Variants in MAPKBP1 observed in about 807,000 individuals in gnomAD.
MAPKBP1 encodes the protein mitogen-activated protein kinase-binding protein 1.
Under a neutral mutation model 170.5 loss-of-function variants are expected in MAPKBP1, and 71 were observed. That is an observed-to-expected ratio of 0.42 (90% CI 0.34 to 0.51). The LOEUF is 0.51. Ranked by LOEUF, MAPKBP1 falls within the 20% of genes least tolerant of loss-of-function variation. MAPKBP1 has a pLI of 0.06. For missense variants in MAPKBP1, 1,598 were observed against 1,933.0 expected (o/e 0.83, Z 3.25); for synonymous variants, 719 against 757.9 (o/e 0.95, Z 0.84).
chr15:41,796,183 T>C (rs994204599), intron 2 of MAPKBP1, among the ~76,000 whole-genome samples: 1 of 152,122 alleles, frequency 6.6e-6, no homozygotes, highest in African/African-American at 2.4e-5. Flanking sequence ...GCACCGAATG[T>C]GGGAAAAGTT....
At chr15:41,799,339 A>G (rs987946736) in intron 2 of MAPKBP1, among the ~76,000 whole-genome samples, 75 of 152,094 alleles carry the variant, frequency 4.9e-4, no homozygotes, top group African/African-American at 1.7e-3. Flanking sequence ...TAGAATGCAA[A>G]GGTCAGGGAT....
At position 41,826,380 on chromosome 15, in the gene MAPKBP1, A is replaced by C. The variant is rs2065094940; in HGVS notation, c.*944A>C. The C allele has an allele frequency of 6.6e-6, 1 of 152,148 alleles. No individual in the cohort carries two copies. The highest frequency in any genetic ancestry group is 2.4e-5 in the African/African-American group (1 of 41,258). The allele number at this position is 152,148 out of a possible 1,614,324, so 9.4% of individuals were successfully genotyped here. ...CTCAGCCACAGATGAGATCACACGC[A>C]TGCACGTGCACACATGTACACACAC... On this transcript the variant is annotated 3_prime_UTR_variant, in exon 31 of 31. Coordinates refer to ENST00000457542, the MANE Select transcript of MAPKBP1 (RefSeq NM_014994.3).
At chr15:41,814,336 T>G (rs2064854265) in intron 9 of MAPKBP1, among the ~76,000 whole-genome samples, 2 of 152,214 alleles carry the variant, frequency 1.3e-5, no homozygotes, top group Non-Finnish European at 2.9e-5. Flanking sequence ...TGGTGTTCTG[T>G]GAAGCTGTGT....
rs2065001878 is a variant in MAPKBP1 at position 41,821,769 on chromosome 15, C to G, written c.2885+19C>G. On this transcript the variant is annotated intron_variant, in intron 24 of 30. Coordinates refer to ENST00000457542, the MANE Select transcript of MAPKBP1 (RefSeq NM_014994.3). ...ATACCAGGCAAGGATCCTGCCCTAG[C>G]CAGACCCCGTGCCCCCGTCTTCCCC... The G allele has an allele frequency of 1.2e-6, 2 of 1,612,850 alleles. No homozygotes were observed. Among genetic ancestry groups the G allele is most frequent in the East Asian group, 2.2e-5 (1 of 44,850 alleles).
At chr15:41,821,780 G>A (rs369382235) in intron 24 of MAPKBP1, 30 bp downstream of exon 24, 1 of 1,611,940 alleles carries the variant, frequency 6.2e-7, no homozygotes, top group African/African-American at 1.3e-5. Flanking sequence ...CAGACCCCGT[G>A]CCCCCGTCTT....
In MAPKBP1 at chr15:41,814,732, G is replaced by T; in HGVS notation, c.1163G>T (p.Ser388Ile). ...CTGTATCATTCTTCCTGCGTCTGGA[G>T]TGTGGAGGTATGTGGGCTGGCTGGC... Reference protein sequence around the residue: ...SALYHSSCVWSVEVYPEVKDS... With the variant: ...SALYHSSCVWIVEVYPEVKDS... The change falls in exon 10 of 31, where the codon AGT (serine) becomes ATT (isoleucine). Residue 388 changes from serine (S) to isoleucine (I), a missense_variant. Coordinates refer to ENST00000457542, the MANE Select transcript of MAPKBP1 (RefSeq NM_014994.3). 6.2e-7 allele frequency: 1 copy of T among 1,614,178 alleles called. No homozygotes were observed. Among genetic ancestry groups the T allele is most frequent in the Non-Finnish European group, 8.5e-7 (1 of 1,179,992 alleles).
intron 2 of MAPKBP1, among the ~76,000 whole-genome samples, chr15:41,799,163 C>CGAGAT (rs1018053118): frequency 1.1e-4 from 16 of 152,130 alleles, no homozygotes; most frequent in African/African-American, 3.4e-4. Context: ...TTTTATCTTT[C>CGAGAT]ATCTCTGTGG....
Position 41,814,433 on chromosome 15 carries a change from T to C in MAPKBP1, c.981-117T>C, listed in dbSNP as rs1596089437. The stretch of plus-strand genomic sequence containing the variant: ...GGGCTCCTTTCTTCTCTCAAGCAAC[T>C]ACTTCCAAACCTGCAGGTCCAGGGA... On this transcript the variant is annotated intron_variant, in intron 9 of 30. Coordinates refer to ENST00000457542, the MANE Select transcript of MAPKBP1 (RefSeq NM_014994.3). 7 of 996,732 alleles carry C rather than the reference T, an allele frequency of 7.0e-6. No individual in the cohort carries two copies. In the East Asian group the frequency reaches 1.7e-4, roughly 25 times the overall value. The allele number at this position is 996,732 out of a possible 1,614,324, so 61.7% of individuals were successfully genotyped here.
At position 41,810,448 on chromosome 15, in the gene MAPKBP1, G is replaced by A. The variant is rs532215582; in HGVS notation, c.207-435G>A. 7.2e-5 allele frequency among the ~76,000 whole-genome samples: 11 copies of A among 151,874 alleles called. No homozygotes were observed. In the South Asian group the frequency reaches 1.5e-3, roughly 20 times the overall value. On this transcript the variant is annotated intron_variant, in intron 3 of 30. Coordinates refer to ENST00000457542, the MANE Select transcript of MAPKBP1 (RefSeq NM_014994.3). ...GAAAGCAGTGGAGGCTGGGCACGGT[G>A]GCTTATGCCTGTAATCCCAGCACTT... is the stretch of plus-strand genomic sequence containing the variant.
chr15:41,810,264 C>CTGTGTCCCTGCT, intron 3 of MAPKBP1, among the ~76,000 whole-genome samples: 1 of 152,300 alleles, frequency 6.6e-6, no homozygotes, highest in Non-Finnish European at 1.5e-5. Context: ...GCGGGATGGC[C>CTGTGTCCCTGCT]TGTGTCCCTG....
intron 2 of MAPKBP1, among the ~76,000 whole-genome samples, chr15:41,780,563 T>C: frequency 6.6e-6 from 1 of 152,210 alleles, no homozygotes; most frequent in East Asian, 1.9e-4. Context: ...AAGGATTTGT[T>C]ATATTATACT....
intron 12 of MAPKBP1, 164 bp from the exon 13 acceptor site, chr15:41,816,395 C>G: frequency 1.7e-6 from 1 of 582,412 alleles, no homozygotes; most frequent in Non-Finnish European, 3.1e-6. Context: ...TTAGGGAAAG[C>G]TGGGTAAGGG....
At chr15:41,791,375 T>C (rs1179019912) in intron 2 of MAPKBP1, among the ~76,000 whole-genome samples, 1 of 152,170 alleles carries the variant, frequency 6.6e-6, no homozygotes, top group Non-Finnish European at 1.5e-5. Context: ...GAGCAGCCAC[T>C]CCCGTGCCAT....
In MAPKBP1 at chr15:41,812,001, C is replaced by T; in HGVS notation, c.372C>T (p.His124=). 1 of 1,614,102 alleles carries T rather than the reference C, an allele frequency of 6.2e-7. No individual in the cohort carries two copies. Among genetic ancestry groups the T allele is most frequent in the African/African-American group, 1.3e-5 (1 of 75,002 alleles). Residue 124 remains histidine, a synonymous_variant, in exon 6 of 31, where the codon CAC becomes CAT. Coordinates refer to ENST00000457542, the MANE Select transcript of MAPKBP1 (RefSeq NM_014994.3). Reference sequence around the variant, plus strand: ...TGCGGGTTTGGGACGTGGCAGAGCACAGCCAGGTGGCCGAGCTGCAGGAGC... The same window carrying T: ...TGCGGGTTTGGGACGTGGCAGAGCATAGCCAGGTGGCCGAGCTGCAGGAGC... ...PAVRVWDVAE[H]SQVAELQEHK...
chr15:41,778,261 T>G (rs963625966), intron 2 of MAPKBP1, among the ~76,000 whole-genome samples: 1 of 152,252 alleles, frequency 6.6e-6, no homozygotes, highest in Non-Finnish European at 1.5e-5. Flanking sequence ...AGGAGGAATT[T>G]ATGACCTCTT....
rs533499391 is a variant in MAPKBP1 at position 41,825,413 on chromosome 15, C to T, written c.4504C>T (p.Arg1502Trp). 3 of 1,610,778 alleles carry T rather than the reference C, an allele frequency of 1.9e-6. No individual in the cohort carries two copies. The highest frequency in any genetic ancestry group is 1.3e-5 in the African/African-American group (1 of 75,028). Residue 1502 changes from arginine (R) to tryptophan (W), a missense_variant, in exon 31 of 31, where the codon CGG (arginine) becomes TGG (tryptophan). Around this residue, in one of 6 missense-constraint regions of MAPKBP1, gnomAD observed 942 missense variants for 953.2 expected, o/e 0.99. Coordinates refer to ENST00000457542, the MANE Select transcript of MAPKBP1 (RefSeq NM_014994.3). ...YSELLLRAVE[R>W]RMERKL ...AGAACTGTTGCTTCGAGCCGTGGAA[C>T]GGCGTATGGAACGCAAACTCTGAGT...
At chr15:41,802,203 A>T (rs1596078619) in intron 3 of MAPKBP1, among the ~76,000 whole-genome samples, 1 of 152,230 alleles carries the variant, frequency 6.6e-6, no homozygotes, top group East Asian at 1.9e-4. Flanking sequence ...GGCACTTACC[A>T]TGAATGGAGT....
At chr15:41,815,872 G>T (rs1189298794) in intron 12 of MAPKBP1, 73 bp downstream of exon 12, 35 of 1,480,298 alleles carry the variant, frequency 2.4e-5, no homozygotes, top group Non-Finnish European at 3.2e-5. Context: ...CTTTAGGGAG[G>T]GTTTGGCTCA....
At chr15:41,819,225 C>T (rs2064944508) in intron 20 of MAPKBP1, 21 bp from the exon 21 acceptor site, 1 of 1,612,350 alleles carries the variant, frequency 6.2e-7, no homozygotes, top group Non-Finnish European at 8.5e-7. Flanking sequence ...CTCCCCATGC[C>T]CTTCCTTGTC....
Sources: gnomAD v4.1 joint callset for allele counts (sites outside exome capture counted in the v4.1 genomes callset) on GRCh38, gnomAD v4.1.1 for gene constraint, gnomAD v4.1.1 regional missense constraint, MANE v1.5 for transcripts, NCBI Gene and HGNC (gene_info 2026-07-23, HGNC 2026-07-21) for gene names.